Variants in MMEL1 observed in about 807,000 individuals in gnomAD.
MMEL1 encodes membrane metalloendopeptidase like 1.
Under a neutral mutation model 117.1 loss-of-function variants are expected in MMEL1, and 98 were observed. The observed-to-expected ratio is 0.84, with a 90% confidence interval of 0.71 to 0.99. The LOEUF (loss-of-function observed/expected upper bound fraction) is 0.99, where lower values mean the gene tolerates loss of function less well. Among genes scored for constraint, MMEL1 ranks in the 50% least tolerant of loss-of-function variants. The pLI is 0.00. For missense variants in MMEL1, 1,014 were observed against 1,049.1 expected, an observed-to-expected ratio of 0.97 and a Z score of 0.46; for synonymous variants, 390 against 415.1, an observed-to-expected ratio of 0.94 and a Z score of 0.74.
chr1:2,621,871 A>G (rs1248535910), intron 2 of MMEL1, among the ~76,000 whole-genome samples: 1 of 152,056 alleles, frequency 6.6e-6, no homozygotes, highest in Non-Finnish European at 1.5e-5. Context: ...CATATCTTAC[A>G]TGTATTGATT....
chr1:2,592,063 C>A, intron 21 of MMEL1, 36 bp from the exon 22 acceptor site: 1 of 1,552,124 alleles, frequency 6.4e-7, no homozygotes, highest in South Asian at 1.1e-5. Context: ...CTCAGGCCTG[C>A]CAGCCTGGAC....
At chr1:2,608,566 C>T (rs1645068562) in intron 6 of MMEL1, among the ~76,000 whole-genome samples, 1 of 151,748 alleles carries the variant, frequency 6.6e-6, no homozygotes. Context: ...TACACATGTA[C>T]ACAAGTACAC....
chr1:2,611,289 A>T lies in MMEL1; in HGVS notation c.284T>A (p.Val95Glu), dbSNP rs1026113858. The change falls in exon 4 of 24, where the codon GTG becomes GAG. Residue 95 changes from valine to glutamate, a missense_variant. Physicochemically the swap from Val to Glu is moderately radical, Grantham distance 121. Coordinates refer to ENST00000378412, the MANE Select transcript of MMEL1 (RefSeq NM_033467.4). ...AAGGGGGCGGGGCTTACCTGCTATC[A>T]CGCAGCCAGGGGTGGTGCAGACCTC... ...VSEVCTTPGCVIAAARILQNM... is the reference protein window; with the variant it reads ...VSEVCTTPGCEIAAARILQNM... 6.3e-7 allele frequency: 1 copy of T among 1,579,744 alleles called. No homozygotes were observed.
chr1:2,624,215 C>T (rs376887785), intron 2 of MMEL1, among the ~76,000 whole-genome samples: 14 of 152,292 alleles, frequency 9.2e-5, no homozygotes, highest in African/African-American at 2.9e-4. Context: ...GGAGGATGCC[C>T]TCTGTGTCAT....
chr1:2,597,148 A>G (rs1644855734), intron 13 of MMEL1, among the ~76,000 whole-genome samples: 1 of 152,028 alleles, frequency 6.6e-6, no homozygotes, highest in Non-Finnish European at 1.5e-5. Context: ...GGGACACAGG[A>G]GCACGAGACT....
chr1:2,612,046 G>A lies in MMEL1; in HGVS notation c.232+81C>T. The A allele has an allele frequency of 8.1e-7, 1 of 1,228,738 alleles. No homozygotes were observed. The highest frequency in any genetic ancestry group is 2.0e-5 in the Admixed American group (1 of 50,194). 76.1% of individuals were successfully genotyped at this position (1,228,738 alleles called of 1,614,324 possible). ...GAGGGTTGGGCAGAACCCAGCCCCT[G>A]CCCCTCCACGGAGTCCCCCCACCTT... is the stretch of plus-strand genomic sequence containing the variant. On this transcript the variant is annotated intron_variant, in intron 3 of 23. Transcript: ENST00000378412. This position sits in a 1 kb window ranked among gnomAD's most constrained non-coding sequence, Gnocchi z 5.4.
chr1:2,611,386 G>C, intron 3 of MMEL1, 46 bp from the exon 4 acceptor site: 1 of 1,454,690 alleles, frequency 6.9e-7, no homozygotes, highest in Non-Finnish European at 9.2e-7. Context: ...CGGAGAGGGT[G>C]GGGCAGGACT....
At position 2,612,130 on chromosome 1, in the gene MMEL1, G is replaced by T; in HGVS notation, c.229C>A (p.Arg77=). 6.3e-7 allele frequency: 1 copy of T among 1,577,362 alleles called. No individual in the cohort carries two copies. The highest frequency in any genetic ancestry group is 1.3e-5 in the African/African-American group (1 of 74,244). ...EERTFVKRKP[R]GIPEAQEVSE... ...TGGAAGGGAAGGCAAAGGCTACCTCGGGGTTTTCGTTTTACAAAGGTCCTC... is the reference window on the plus strand; with the variant it reads ...TGGAAGGGAAGGCAAAGGCTACCTCTGGGTTTTCGTTTTACAAAGGTCCTC... The change falls in exon 3 of 24, where the codon CGA becomes AGA. Residue 77 remains arginine (R), a synonymous_variant. Coordinates refer to ENST00000378412, the MANE Select transcript of MMEL1 (RefSeq NM_033467.4). The surrounding 1 kb of genome is among the most constrained non-coding windows in gnomAD (Gnocchi z 5.4).
Position 2,604,135 on chromosome 1 carries a change from C to CCCCCCCCAAAAAAG in MMEL1, c.951+11_951+12insCTTTTTTGGGGGGG. On this transcript the variant is annotated intron_variant, in intron 10 of 23. Transcript: ENST00000378412. ...CTCGCTGCCCGCTCCCCACCCGCCCCGGCCCCCTTACCTTGGCCAGCTGTG... is the reference window on the plus strand; with the variant it reads ...CTCGCTGCCCGCTCCCCACCCGCCCCCCCCCCCAAAAAAGGGCCCCCTTACCTTGGCCAGCTGTG... 4.6e-6 allele frequency: 7 copies of CCCCCCCCAAAAAAG among 1,520,148 alleles called. No homozygotes were observed. The highest frequency in any genetic ancestry group is 1.1e-5 in the South Asian group (1 of 88,220). The allele number at this position is 1,520,148 out of a possible 1,614,324, so 94.2% of individuals were successfully genotyped here.
intron 2 of MMEL1, among the ~76,000 whole-genome samples, chr1:2,626,156 G>A (rs1456581204): frequency 2.6e-5 from 4 of 152,336 alleles, no homozygotes; most frequent in South Asian, 2.1e-4. Context: ...ATTATGTACC[G>A]ATTCATGGGC....
At chr1:2,598,069 T>C (rs1453939557) in intron 13 of MMEL1, 138 bp downstream of exon 13, 10 of 751,358 alleles carry the variant, frequency 1.3e-5, no homozygotes, top group Non-Finnish European at 2.0e-5. Context: ...CACTCCCCAC[T>C]GGGGTGGGCG....
At position 2,607,038 on chromosome 1, in the gene MMEL1, C is replaced by T; in HGVS notation, c.567G>A (p.Leu189=). 1 of 1,613,456 alleles carries T rather than the reference C, an allele frequency of 6.2e-7. No homozygotes were observed. The highest frequency in any genetic ancestry group is 8.5e-7 in the Non-Finnish European group (1 of 1,180,000). The change falls in exon 7 of 24, where the codon CTG becomes CTA. Residue 189 remains leucine, a synonymous_variant. Coordinates refer to ENST00000378412, the MANE Select transcript of MMEL1 (RefSeq NM_033467.4). ...CTCCCACCACCTCCAAGATGTCCAG[C>T]AGGGGCTGAGAGCCTCGCTTCTCTA... ...SVIEKRGSQP[L]LDILEVVGGW... is the part of the protein sequence containing the mutation.
intron 1 of MMEL1, among the ~76,000 whole-genome samples, chr1:2,630,455 T>C (rs190644318): frequency 1.5e-3 from 229 of 152,180 alleles, no homozygotes; most frequent in African/African-American, 4.5e-3. Context: ...AACGTGTGTG[T>C]GCGCTCTGGT....
intron 2 of MMEL1, among the ~76,000 whole-genome samples, chr1:2,615,813 T>C (rs1252150465): frequency 6.6e-6 from 1 of 152,198 alleles, no homozygotes; most frequent in Non-Finnish European, 1.5e-5. Context: ...TGTAGGACAA[T>C]GTTAAATGGC....
intron 2 of MMEL1, among the ~76,000 whole-genome samples, chr1:2,624,661 T>C (rs1375710678): frequency 6.6e-6 from 1 of 152,210 alleles, no homozygotes; most frequent in Non-Finnish European, 1.5e-5. Context: ...ATACAGAATA[T>C]TACTAATGAC....
chr1:2,593,927 G>A lies in MMEL1; in HGVS notation c.1754C>T (p.Pro585Leu). 1 of 1,606,032 alleles carries A rather than the reference G, an allele frequency of 6.2e-7. No homozygotes were observed. Among genetic ancestry groups the A allele is most frequent in the Non-Finnish European group, 8.5e-7 (1 of 1,176,200 alleles). Residue 585 changes from proline to leucine, a missense_variant, in exon 19 of 24, where the codon CCT becomes CTT. Pro to Leu is a moderately conservative substitution (Grantham distance 98). Coordinates refer to ENST00000378412, the MANE Select transcript of MMEL1 (RefSeq NM_033467.4). ...GAAGGGGGGCTGGAGGATCCCGGCA[G>A]GGAATACTGTCCCCAAGGGCGGGAC... ...YSPNRNQIVFPAGILQPPFFS... is the reference protein window; with the variant it reads ...YSPNRNQIVFLAGILQPPFFS...
Position 2,595,397 on chromosome 1 carries a change from C to A in MMEL1, c.1501-38G>T. ...GAGGGACTGGTCAGTGGGTGCCCCA[C>A]TGCGGATGGAGTCAGCCCGGGGGCC... On this transcript the variant is annotated intron_variant, in intron 15 of 23. Transcript: ENST00000378412. This position sits in a 1 kb window ranked among gnomAD's most constrained non-coding sequence, Gnocchi z 4.8. The A allele has an allele frequency of 6.3e-7, 1 of 1,592,468 alleles. No individual in the cohort carries two copies. Among genetic ancestry groups the A allele is most frequent in the Non-Finnish European group, 8.6e-7 (1 of 1,161,246 alleles).
chr1:2,629,612 G>C (rs1638449949), intron 1 of MMEL1, 91 bp from the exon 2 acceptor site: 5 of 1,192,920 alleles, frequency 4.2e-6, no homozygotes, highest in Non-Finnish European at 5.6e-6. Context: ...GGCTGGGAGC[G>C]GGCGCTGGGT....
Position 2,617,383 on chromosome 1 carries a change from C to T in MMEL1, c.155-5179G>A, listed in dbSNP as rs12095212. On this transcript the variant is annotated intron_variant, in intron 2 of 23. Transcript: ENST00000378412. ...CAGAGCTTGCAGTGAGCCGAGATCG[C>T]GCCACTGCACTCCAGCCTGGGCGAC... is the stretch of plus-strand genomic sequence containing the variant. 2.1e-3 allele frequency among the ~76,000 whole-genome samples: 302 copies of T among 142,426 alleles called. 2 individuals carry two copies. Among genetic ancestry groups the T allele is most frequent in the African/African-American group, 7.7e-3 (286 of 37,278 alleles). 93.4% of individuals were successfully genotyped at this position (142,426 alleles called of 152,430 possible). A position where few individuals can be genotyped will look rare whatever the true frequency, so the allele number is the denominator to read the frequency against.
Sources: allele counts gnomAD v4.1 joint callset (sites outside exome capture counted in the v4.1 genomes callset), GRCh38; gene constraint gnomAD v4.1.1; non-coding constraint Gnocchi (gnomAD v3.1); transcripts MANE v1.5; gene names NCBI Gene and HGNC (gene_info 2026-07-23, HGNC 2026-07-21).